Variants in GBE1 observed in about 807,000 individuals in gnomAD.
The protein encoded by GBE1 is 1,4-alpha-glucan branching enzyme 1.
GBE1 carries 70 observed loss-of-function variants against 88.8 expected under a neutral mutation model. The observed-to-expected ratio is 0.79, with a 90% CI of 0.65 to 0.96. GBE1 has a LOEUF of 0.96. GBE1 is among the 40% of genes least tolerant of loss of function. The pLI is 0.00. For synonymous variants in GBE1, 284 were observed against 300.1 expected (o/e 0.95, Z 0.56); for missense variants, 872 against 871.0 (o/e 1.00, Z -0.01).
intron 7 of GBE1, among the ~76,000 whole-genome samples, chr3:81,608,426 G>A (rs1174144255): frequency 2.6e-5 from 4 of 152,092 alleles, no homozygotes; most frequent in Admixed American, 6.5e-5. Flanking sequence ...TAGGAAAGCC[G>A]CTTATTTGTG....
intron 14 of GBE1, among the ~76,000 whole-genome samples, chr3:81,523,666 T>C (rs747514620): frequency 6.6e-6 from 1 of 151,746 alleles, no homozygotes; most frequent in Non-Finnish European, 1.5e-5. Context: ...CTCCAGCCTC[T>C]GGTAACCATC....
chr3:81,555,116 T>C (rs991999711), intron 12 of GBE1, among the ~76,000 whole-genome samples: 4 of 152,230 alleles, frequency 2.6e-5, no homozygotes, highest in African/African-American at 9.6e-5. Flanking sequence ...GTTCTCAGTG[T>C]TTGTACTTGC....
At chr3:81,682,463 AAAAT>A (rs563365792) in intron 2 of GBE1, among the ~76,000 whole-genome samples, 1 of 152,044 alleles carries the variant, frequency 6.6e-6, no homozygotes, top group Admixed American at 6.6e-5. Flanking sequence ...CTCTTTCTCA[AAAAT>A]AAATAAATAA....
intron 12 of GBE1, among the ~76,000 whole-genome samples, chr3:81,559,271 A>G (rs933524848): frequency 2.0e-5 from 3 of 152,050 alleles, no homozygotes; most frequent in Non-Finnish European, 4.4e-5. Context: ...AAAAATTTAC[A>G]CATCAAACTA....
chr3:81,574,868 G>C (rs987173638), intron 12 of GBE1, among the ~76,000 whole-genome samples: 8 of 152,082 alleles, frequency 5.3e-5, no homozygotes, highest in Non-Finnish European at 1.2e-4. Flanking sequence ...AAGTGTTTTA[G>C]AAAGTATAGA....
At chr3:81,500,749 A>AT (rs1263153887) in intron 14 of GBE1, among the ~76,000 whole-genome samples, 1 of 152,230 alleles carries the variant, frequency 6.6e-6, no homozygotes, top group African/African-American at 2.4e-5. Flanking sequence ...TGCATTAGGC[A>AT]TTGTCTAAAG....
chr3:81,490,562 T>A, intron 15 of GBE1, 99 bp from the exon 16 acceptor site: 1 of 947,240 alleles, frequency 1.1e-6, no homozygotes, highest in Non-Finnish European at 1.7e-6. Context: ...CACATCTGCC[T>A]AAAGTTACAG....
intron 6 of GBE1, among the ~76,000 whole-genome samples, chr3:81,643,376 G>T (rs539472048): frequency 3.1e-4 from 47 of 152,146 alleles, no homozygotes; most frequent in African/African-American, 1.1e-3. Flanking sequence ...GGCTCTTCAA[G>T]AATTTATTTG....
intron 1 of GBE1, among the ~76,000 whole-genome samples, chr3:81,718,536 T>C (rs963291710): frequency 6.6e-6 from 1 of 152,152 alleles, no homozygotes; most frequent in African/African-American, 2.4e-5. Context: ...ACACAGCTAG[T>C]CTGTGTGTGA....
chr3:81,525,411 T>C (rs544344280), intron 14 of GBE1, among the ~76,000 whole-genome samples: 3 of 152,190 alleles, frequency 2.0e-5, no homozygotes, highest in East Asian at 3.9e-4. Context: ...AGCGTTTTGA[T>C]GTGCTGCTGG....
At chr3:81,628,931 T>C (rs1242159702) in intron 7 of GBE1, among the ~76,000 whole-genome samples, 1 of 150,222 alleles carries the variant, frequency 6.7e-6, no homozygotes, top group Admixed American at 6.6e-5. Context: ...TACATGTGTT[T>C]ACTGGCTGAC....
At chr3:81,719,083 C>T (rs1367616056) in intron 1 of GBE1, among the ~76,000 whole-genome samples, 1 of 152,128 alleles carries the variant, frequency 6.6e-6, no homozygotes, top group African/African-American at 2.4e-5. Flanking sequence ...AAGTGTGATA[C>T]AACTGGTCAA....
chr3:81,532,794 A>G (rs1229962770), intron 14 of GBE1, among the ~76,000 whole-genome samples: 1 of 152,042 alleles, frequency 6.6e-6, no homozygotes. Context: ...TTCTCCAATT[A>G]ATCCATTGTA....
At chr3:81,756,168 A>G (rs1706598223) in intron 1 of GBE1, among the ~76,000 whole-genome samples, 1 of 152,224 alleles carries the variant, frequency 6.6e-6, no homozygotes, top group Non-Finnish European at 1.5e-5. Context: ...TTCAGAGATC[A>G]AACTTTTAGT....
At chr3:81,673,301 T>C (rs543704535) in intron 2 of GBE1, among the ~76,000 whole-genome samples, 18 of 152,032 alleles carry the variant, frequency 1.2e-4, no homozygotes, top group Admixed American at 9.8e-4. Flanking sequence ...GTATAGTTCG[T>C]TAGTTCATTC....
At chr3:81,623,182 ACT>A (rs1704355886) in intron 7 of GBE1, among the ~76,000 whole-genome samples, 1 of 152,052 alleles carries the variant, frequency 6.6e-6, no homozygotes, top group African/African-American at 2.4e-5. Flanking sequence ...CAACTGCCAA[ACT>A]CTCTGGAGTC....
chr3:81,626,946 T>C (rs928407109), intron 7 of GBE1, among the ~76,000 whole-genome samples: 2 of 152,182 alleles, frequency 1.3e-5, no homozygotes, highest in South Asian at 2.1e-4. Flanking sequence ...ACTGAACACC[T>C]TTCATGTATC....
At chr3:81,553,030 T>C (rs1703294053) in intron 12 of GBE1, among the ~76,000 whole-genome samples, 1 of 152,206 alleles carries the variant, frequency 6.6e-6, no homozygotes, top group African/African-American at 2.4e-5. Flanking sequence ...TCTGCGTACT[T>C]TTCATTGTAT....
intron 1 of GBE1, among the ~76,000 whole-genome samples, chr3:81,728,995 A>G (rs1018641847): frequency 1.3e-5 from 2 of 151,678 alleles, no homozygotes; most frequent in Middle Eastern, 6.8e-3. Context: ...GTAGACAGCT[A>G]CTCTCTCTGA....
Sources: gnomAD v4.1 joint callset for allele counts (sites outside exome capture counted in the v4.1 genomes callset) on GRCh38, gnomAD v4.1.1 for gene constraint, MANE v1.5 for transcripts, NCBI Gene and HGNC (gene_info 2026-07-23, HGNC 2026-07-21) for gene names.